The following GNL3L variants were observed in gnomAD, a reference collection of about 807,000 sequenced individuals.
GNL3L encodes guanine nucleotide-binding protein-like 3-like protein.
Under a neutral mutation model 42.9 loss-of-function variants are expected in GNL3L, and 4 were observed. That is an observed-to-expected ratio of 0.09 (90% CI 0.05 to 0.21). GNL3L has a LOEUF of 0.21. Among genes scored for constraint, GNL3L ranks in the 10% least tolerant of loss-of-function variants. The pLI is 1.00. For synonymous variants in GNL3L, 159 were observed against 176.3 expected (o/e 0.90, Z 0.78); for missense variants, 412 against 481.7 (o/e 0.86, Z 1.36).
the GNL3L span, among the ~76,000 whole-genome samples, chrX:54,635,353 C>T: frequency 9.0e-6 from 1 of 111,693 alleles, no homozygotes; most frequent in African/African-American, 3.3e-5. Context: ...GTTCTGTGAG[C>T]ATATTTAAGT....
chrX:54,581,400 A>T (rs1162002076), intron 16 of GNL3L, among the ~76,000 whole-genome samples: 2 of 110,642 alleles, frequency 1.8e-5, no homozygotes, highest in African/African-American at 3.3e-5. Flanking sequence ...CCTGGCTAAA[A>T]TTTTTAAATT....
the GNL3L span, among the ~76,000 whole-genome samples, chrX:54,630,436 G>A: frequency 9.1e-6 from 1 of 109,711 alleles, no homozygotes; most frequent in South Asian, 4.0e-4. Flanking sequence ...TGTCCCAGAG[G>A]TTTTGATAGG....
chrX:54,640,930 A>G, the GNL3L span, among the ~76,000 whole-genome samples: 1 of 112,235 alleles, frequency 8.9e-6, no homozygotes, highest in East Asian at 2.8e-4. Flanking sequence ...AACAGCTGAC[A>G]TTGTGAGCGG....
At chrX:54,543,488 CTGTATCACAGAGTATGGTACAAGTTAGG>C in intron 7 of GNL3L, 146 bp downstream of exon 7, 1 of 579,867 alleles carries the variant, frequency 1.7e-6, no homozygotes, top group Admixed American at 3.4e-5. Flanking sequence ...TTTTCAAAGC[CTGTATCACAGAGTATGGTACAAGTTAGG>C]TGTGGAATCC....
chrX:54,644,420 G>C, the GNL3L span, among the ~76,000 whole-genome samples: 2 of 112,033 alleles, frequency 1.8e-5, no homozygotes, highest in African/African-American at 6.5e-5. Flanking sequence ...TTAAATCTTT[G>C]ATCTATCTGG....
intron 16 of GNL3L, among the ~76,000 whole-genome samples, chrX:54,597,569 G>C (rs1925945940): frequency 9.0e-6 from 1 of 110,559 alleles, no homozygotes; most frequent in Non-Finnish European, 1.9e-5. Flanking sequence ...TAGGTCCTGT[G>C]CCCCCCCGCC....
chrX:54,545,696 T>C (rs932940995), intron 8 of GNL3L, among the ~76,000 whole-genome samples: 1 of 111,136 alleles, frequency 9.0e-6, no homozygotes, highest in Non-Finnish European at 1.9e-5. Flanking sequence ...TTGCATTGGA[T>C]GTTAAACTTA....
chrX:54,548,330 C>T lies in GNL3L; in HGVS notation c.732C>T (p.Cys244=), dbSNP rs1924832808. Residue 244 remains cysteine (C), a synonymous_variant, in exon 9 of 16, where the codon TGC becomes TGT. Coordinates refer to ENST00000360845, the MANE Select transcript of GNL3L (RefSeq NM_001184819.2). ...TCATGAGGGTTCTGGGGAACTATTG[C>T]CGCCTTGGTGAAGTGCGCACCCACA... ...ENLMRVLGNY[C]RLGEVRTHIR... 2 of 1,204,134 alleles carry T rather than the reference C, an allele frequency of 1.7e-6. No homozygotes were observed. Among genetic ancestry groups the T allele is most frequent in the African/African-American group, 1.8e-5 (1 of 56,811 alleles).
intron 4 of GNL3L, 38 bp downstream of exon 4, chrX:54,540,280 C>A: frequency 1.2e-6 from 1 of 865,227 alleles, no homozygotes; most frequent in Non-Finnish European, 1.7e-6. Flanking sequence ...AGAGGGCCTG[C>A]CTTGAATGCC....
chrX:54,540,906 C>G (rs1349834837), intron 4 of GNL3L, among the ~76,000 whole-genome samples: 1 of 111,287 alleles, frequency 9.0e-6, no homozygotes, highest in Admixed American at 9.6e-5. Context: ...ATCCACCTGC[C>G]TTGGCCTCCC....
chrX:54,586,919 C>T (rs978244864), intron 16 of GNL3L, among the ~76,000 whole-genome samples: 5 of 111,363 alleles, frequency 4.5e-5, no homozygotes, highest in Non-Finnish European at 7.5e-5. Context: ...ACTGCTGGCA[C>T]CCACCTACAC....
chrX:54,532,534 G>A lies in GNL3L; in HGVS notation c.-33G>A. The A allele has an allele frequency of 8.6e-7, 1 of 1,168,348 alleles. No homozygotes were observed. Among genetic ancestry groups the A allele is most frequent in the Non-Finnish European group, 1.2e-6 (1 of 856,049 alleles). The stretch of plus-strand genomic sequence containing the variant: ...CATTCTGACAGGAAGAGAGCAAGCA[G>A]ATTTGAACCTATCTGCTTTCAAGCT... On this transcript the variant is annotated 5_prime_UTR_variant, in exon 2 of 16. Transcript: ENST00000360845.
At chrX:54,573,339 C>T (rs1200866277) in intron 16 of GNL3L, among the ~76,000 whole-genome samples, 1 of 112,938 alleles carries the variant, frequency 8.9e-6, no homozygotes, top group Non-Finnish European at 1.9e-5. Context: ...CGGTTAGGAG[C>T]TGGAGACCAG....
intron 16 of GNL3L, among the ~76,000 whole-genome samples, chrX:54,597,934 T>C (rs1392006727): frequency 9.1e-6 from 1 of 110,310 alleles, no homozygotes; most frequent in Non-Finnish European, 1.9e-5. Flanking sequence ...GGTGGAGGGG[T>C]GGTGTTGGTG....
At chrX:54,607,552 C>T (rs1176110557) in intron 16 of GNL3L, among the ~76,000 whole-genome samples, 1 of 110,388 alleles carries the variant, frequency 9.1e-6, no homozygotes, top group Non-Finnish European at 1.9e-5. Flanking sequence ...GAAATGTCCT[C>T]CAGATGGTAG....
In GNL3L at chrX:54,565,694, G is replaced by A. The variant is rs147972348; in HGVS notation, c.*5092G>A. 0.014 allele frequency among the ~76,000 whole-genome samples: 1,484 copies of A among 109,647 alleles called. 12 individuals carry two copies. Among genetic ancestry groups the A allele is most frequent in the Middle Eastern group, 0.024 (5 of 212 alleles). The stretch of plus-strand genomic sequence containing the variant: ...ATCGTTTTTATTTGCATCCTCTAAT[G>A]ATTTGAGCATATTTTATATGCTTAT... On this transcript the variant is annotated 3_prime_UTR_variant, in exon 16 of 16. Coordinates refer to ENST00000360845, the MANE Select transcript of GNL3L (RefSeq NM_001184819.2).
Position 54,560,658 on chromosome X carries a change from A to G in GNL3L, c.*56A>G, listed in dbSNP as rs1925236317. The G allele has an allele frequency of 4.3e-6, 3 of 696,225 alleles. No homozygotes were observed. Among genetic ancestry groups the G allele is most frequent in the Non-Finnish European group, 7.0e-6 (3 of 431,629 alleles). The allele number at this position is 696,225 out of a possible 1,213,427, so 57.4% of individuals were successfully genotyped here. A position where few individuals can be genotyped will look rare whatever the true frequency, so the allele number is the denominator to read the frequency against. On this transcript the variant is annotated 3_prime_UTR_variant, in exon 16 of 16. Coordinates refer to ENST00000360845, the MANE Select transcript of GNL3L (RefSeq NM_001184819.2). Reference sequence around the variant, plus strand: ...GCACCAGTTCCGGTGGTACGGGGGAATACCAGTGAAATAGTTTGGTTCTCC... The same window carrying G: ...GCACCAGTTCCGGTGGTACGGGGGAGTACCAGTGAAATAGTTTGGTTCTCC...
At chrX:54,597,448 C>T in intron 16 of GNL3L, among the ~76,000 whole-genome samples, 1 of 110,965 alleles carries the variant, frequency 9.0e-6, no homozygotes, top group Non-Finnish European at 1.9e-5. Context: ...CTTCTGTCTC[C>T]TCTCCTCAAA....
intron 8 of GNL3L, among the ~76,000 whole-genome samples, chrX:54,545,627 A>G (rs1169811054): frequency 1.8e-5 from 2 of 112,175 alleles, no homozygotes; most frequent in South Asian, 3.6e-4. Context: ...AAATATTAAT[A>G]CAGAAACTGA....
Sources: gnomAD v4.1 joint callset for allele counts (sites outside exome capture counted in the v4.1 genomes callset) on GRCh38, gnomAD v4.1.1 for gene constraint, MANE v1.5 for transcripts, NCBI Gene and HGNC (gene_info 2026-07-23, HGNC 2026-07-21) for gene names.